Variants in MEIOC observed in about 807,000 individuals in gnomAD.
The protein encoded by MEIOC is meiosis specific with coiled-coil domain, also known as meiosis-specific coiled-coil domain-containing protein MEIOC.
MEIOC carries 9 observed loss-of-function variants against 85.3 expected under a neutral mutation model. The observed-to-expected ratio is 0.11, with a 90% CI of 0.06 to 0.18. MEIOC has a LOEUF of 0.18. Ranked by LOEUF, MEIOC falls within the 10% of genes least tolerant of loss-of-function variation. The probability of loss-of-function intolerance (pLI) is 1.00; values close to 1 mark genes in which losing one functional copy is unlikely to be tolerated. For missense variants in MEIOC, 898 were observed against 1,129.4 expected (o/e 0.80, Z 2.94); for synonymous variants, 365 against 393.7 (o/e 0.93, Z 0.86).
intron 2 of MEIOC, among the ~76,000 whole-genome samples, chr17:44,661,505 T>C (rs1349275256): frequency 6.6e-6 from 1 of 152,106 alleles, no homozygotes; most frequent in African/African-American, 2.4e-5. Flanking sequence ...AAATTCCATA[T>C]AAATATACAT....
chr17:44,668,372 C>T (rs776859471), intron 5 of MEIOC, 139 bp downstream of exon 5: 131 of 814,832 alleles, frequency 1.6e-4, no homozygotes, highest in Non-Finnish European at 2.3e-4. Flanking sequence ...GACAGAGTCT[C>T]GCTCTGTTGC....
chr17:44,673,726 G>A, intron 7 of MEIOC, 180 bp downstream of exon 7: 1 of 731,132 alleles, frequency 1.4e-6, no homozygotes, highest in Non-Finnish European at 2.2e-6. Flanking sequence ...AATTTTGTCT[G>A]TTATAACTGT....
At chr17:44,668,883 T>C (rs1971954436) in intron 5 of MEIOC, among the ~76,000 whole-genome samples, 1 of 152,226 alleles carries the variant, frequency 6.6e-6, no homozygotes, top group Non-Finnish European at 1.5e-5. Context: ...AGTGTTAACC[T>C]GTTGGTATAC....
At chr17:44,663,737 A>C (rs770951424) in intron 3 of MEIOC, among the ~76,000 whole-genome samples, 13 of 152,196 alleles carry the variant, frequency 8.5e-5, no homozygotes, top group Non-Finnish European at 1.5e-5. Context: ...TTTTAGATAT[A>C]TACTAATACA....
intron 1 of MEIOC, among the ~76,000 whole-genome samples, 157 bp downstream of exon 1, chr17:44,656,839 C>G (rs1457930175): frequency 1.6e-5 from 2 of 125,610 alleles, no homozygotes; most frequent in Non-Finnish European, 3.3e-5. Context: ...GGGCGCGGCG[C>G]GGGCTGACTG....
Position 44,674,416 on chromosome 17 carries a change from T to G in MEIOC, c.*220T>G, listed in dbSNP as rs1972048891. On this transcript the variant is annotated 3_prime_UTR_variant, in exon 8 of 8. Transcript: ENST00000409122. Reference sequence around the variant, plus strand: ...AAAGGTACAGTTGACTACTCAGAGTTCTGAGTAGTCAGATAACAAGTTTAA... The same window carrying G: ...AAAGGTACAGTTGACTACTCAGAGTGCTGAGTAGTCAGATAACAAGTTTAA... The G allele has an allele frequency of 8.5e-6, 11 of 1,292,864 alleles. No individual in the cohort carries two copies. Among genetic ancestry groups the G allele is most frequent in the Non-Finnish European group, 1.1e-5 (11 of 1,018,574 alleles). 80.1% of individuals were successfully genotyped at this position (1,292,864 alleles called of 1,614,324 possible).
chr17:44,675,327 A>AACTTGAG lies in MEIOC; in HGVS notation c.*1132_*1138dup, dbSNP rs750441712. ...CTCATCACTTAGTATCTTTGTATAG[A>AACTTGAG]ACTTGAGTAATTTATTCGTTAATAT... On this transcript the variant is annotated 3_prime_UTR_variant, in exon 8 of 8. Coordinates refer to ENST00000409122, the MANE Select transcript of MEIOC (RefSeq NM_001145080.3). The AACTTGAG allele has an allele frequency of 4.2e-4, 408 of 970,998 alleles. 1 individual carries two copies. Among genetic ancestry groups the AACTTGAG allele is most frequent in the Non-Finnish European group, 4.8e-4 (393 of 816,860 alleles). 60.1% of individuals were successfully genotyped at this position (970,998 alleles called of 1,614,324 possible). A position where few individuals can be genotyped will look rare whatever the true frequency, so the allele number is the denominator to read the frequency against.
At chr17:44,673,085 T>TA (rs1299279913) in intron 6 of MEIOC, 1 of 313,906 alleles carries the variant, frequency 3.2e-6, no homozygotes, top group Non-Finnish European at 5.8e-6. Context: ...GATCTTGTAT[T>TA]TGCAGTTAAT....
At position 44,675,795 on chromosome 17, in the gene MEIOC, G is replaced by T; in HGVS notation, c.*1599G>T. On this transcript the variant is annotated 3_prime_UTR_variant, in exon 8 of 8. Transcript: ENST00000409122. The stretch of plus-strand genomic sequence containing the variant: ...CAGGAAAAAAATAAATTACTTTGTT[G>T]AAAACATTTGGTTTCATTTTTCTAA... 10 of 926,400 alleles carry T rather than the reference G, an allele frequency of 1.1e-5. No homozygotes were observed. Among genetic ancestry groups the T allele is most frequent in the Non-Finnish European group, 1.3e-5 (10 of 776,314 alleles). The allele number at this position is 926,400 out of a possible 1,614,324, so 57.4% of individuals were successfully genotyped here.
At position 44,675,771 on chromosome 17, in the gene MEIOC, A is replaced by G. The variant is rs1368972902; in HGVS notation, c.*1575A>G. 2 of 955,168 alleles carry G rather than the reference A, an allele frequency of 2.1e-6. No homozygotes were observed. The highest frequency in any genetic ancestry group is 3.5e-5 in the African/African-American group (2 of 56,616). The allele number at this position is 955,168 out of a possible 1,614,324, so 59.2% of individuals were successfully genotyped here. A position where few individuals can be genotyped will look rare whatever the true frequency, so the allele number is the denominator to read the frequency against. Reference sequence around the variant, plus strand: ...CAAATACTGTACTGAATTTAGTCTCAGGAAAAAAATAAATTACTTTGTTGA... The same window carrying G: ...CAAATACTGTACTGAATTTAGTCTCGGGAAAAAAATAAATTACTTTGTTGA... On this transcript the variant is annotated 3_prime_UTR_variant, in exon 8 of 8. Transcript: ENST00000409122.
At position 44,673,313 on chromosome 17, in the gene MEIOC, A is replaced by C. The variant is rs370260473; in HGVS notation, c.2458-53A>C. On this transcript the variant is annotated intron_variant, in intron 6 of 7. Transcript: ENST00000409122. ...TCTGCTTCACTGAAGATTTGTTTTT[A>C]CTTAAGTTAATGGCAGGACATGTCT... 4.2e-4 allele frequency: 564 copies of C among 1,337,654 alleles called. 4 individuals carry two copies. The African/African-American group carries it at 7.8e-3, about 19-fold the overall frequency. 82.9% of individuals were successfully genotyped at this position (1,337,654 alleles called of 1,614,324 possible). A position where few individuals can be genotyped will look rare whatever the true frequency, so the allele number is the denominator to read the frequency against.
At chr17:44,663,293 T>TGAC in intron 3 of MEIOC, among the ~76,000 whole-genome samples, 1 of 151,598 alleles carries the variant, frequency 6.6e-6, no homozygotes, top group African/African-American at 2.4e-5. Context: ...ATGATGATGA[T>TGAC]GATGATGATG....
chr17:44,665,094 T>A (rs1414970192), intron 3 of MEIOC: 3 of 996,056 alleles, frequency 3.0e-6, no homozygotes, highest in Non-Finnish European at 3.6e-6. Flanking sequence ...GATTTATATC[T>A]TGGTCACCTA....
At chr17:44,657,816 G>T (rs1971786363) in intron 2 of MEIOC, among the ~76,000 whole-genome samples, 1 of 151,754 alleles carries the variant, frequency 6.6e-6, no homozygotes, top group Admixed American at 6.6e-5. Flanking sequence ...GCCTCCCAAA[G>T]TGCTGGGATT....
At chr17:44,662,264 C>T in intron 2 of MEIOC, 53 bp from the exon 3 acceptor site, 1 of 1,329,940 alleles carries the variant, frequency 7.5e-7, no homozygotes, top group South Asian at 1.4e-5. Context: ...TTCTCATATT[C>T]TACAACAAAT....
At chr17:44,657,486 C>A (rs1971780476) in intron 2 of MEIOC, among the ~76,000 whole-genome samples, 2 of 148,300 alleles carry the variant, frequency 1.3e-5, no homozygotes, top group South Asian at 4.3e-4. Flanking sequence ...CGGGCTCAGG[C>A]GATTCTTGTG....
Position 44,675,429 on chromosome 17 carries a change from T to A in MEIOC, c.*1233T>A, listed in dbSNP as rs1198945960. 1.0e-6 allele frequency: 1 copy of A among 972,018 alleles called. No individual in the cohort carries two copies. Among genetic ancestry groups the A allele is most frequent in the Non-Finnish European group, 1.2e-6 (1 of 817,812 alleles). 60.2% of individuals were successfully genotyped at this position (972,018 alleles called of 1,614,324 possible). ...CATGAGTTAAACTATAATGTACTGATGAAATTTAATTGAAATATCCTTGAC... is the reference window on the plus strand; with the variant it reads ...CATGAGTTAAACTATAATGTACTGAAGAAATTTAATTGAAATATCCTTGAC... On this transcript the variant is annotated 3_prime_UTR_variant, in exon 8 of 8. Transcript: ENST00000409122.
At chr17:44,664,534 A>C (rs897396998) in intron 3 of MEIOC, among the ~76,000 whole-genome samples, 2 of 152,174 alleles carry the variant, frequency 1.3e-5, no homozygotes, top group Admixed American at 6.5e-5. Context: ...TGGATTAGGG[A>C]CGTTCAACCA....
rs1293677123 is a variant in MEIOC at position 44,657,144 on chromosome 17, C to A, written c.87C>A (p.Pro29=). ...EEGLEPKVAF[P]GGANRCWNLG... ...TGCTGCAGCCCAAAGTCGCGTTCCC[C>A]GGAGGTGCGAATCGCTGTTGGAACC... Residue 29 remains proline (P), a synonymous_variant, in exon 2 of 8, where the codon CCC becomes CCA. Transcript: ENST00000409122. The A allele has an allele frequency of 2.6e-6, 4 of 1,550,700 alleles. No homozygotes were observed. Among genetic ancestry groups the A allele is most frequent in the Admixed American group, 2.0e-5 (1 of 50,988 alleles).
Sources: gnomAD v4.1 joint callset for allele counts (sites outside exome capture counted in the v4.1 genomes callset) on GRCh38, gnomAD v4.1.1 for gene constraint, MANE v1.5 for transcripts, NCBI Gene and HGNC (gene_info 2026-07-23, HGNC 2026-07-21) for gene names.